NELL1: variants seen among roughly 807,000 people sequenced by gnomAD.
The protein encoded by NELL1 is neural EGFL like 1, also known as protein kinase C-binding protein NELL1.
NELL1 carries 76 observed loss-of-function variants against 107.4 expected under a neutral mutation model. The ratio of observed to expected loss-of-function variants is 0.71; its 90% CI spans 0.59 to 0.86. NELL1 has a LOEUF of 0.86. NELL1 is among the 40% of genes least tolerant of loss of function. The pLI, the probability that NELL1 is intolerant of heterozygous loss-of-function variation, is 0.00. For synonymous variants in NELL1, 353 were observed against 341.2 expected (o/e 1.03, Z -0.38); for missense variants, 1,024 against 1,005.5 (o/e 1.02, Z -0.25).
At chr11:21,104,638 A>G (rs189461768) in intron 12 of NELL1, among the ~76,000 whole-genome samples, 1 of 152,314 alleles carries the variant, frequency 6.6e-6, no homozygotes, top group East Asian at 1.9e-4. Flanking sequence ...TGAATTTTTA[A>G]TCTGAAAATA....
intron 5 of NELL1, among the ~76,000 whole-genome samples, chr11:20,892,630 G>A (rs189878934): frequency 3.6e-4 from 55 of 152,256 alleles, no homozygotes; most frequent in African/African-American, 1.2e-3. Flanking sequence ...AGACACATGC[G>A]GCCGGGCGCA....
chr11:21,248,917 C>T (rs1361847945), intron 14 of NELL1, among the ~76,000 whole-genome samples: 2 of 152,024 alleles, frequency 1.3e-5, no homozygotes, highest in East Asian at 3.9e-4. Flanking sequence ...GGGAGGGAAT[C>T]TGGAAGAACA....
chr11:20,957,160 A>T (rs531898671), intron 11 of NELL1, among the ~76,000 whole-genome samples: 25 of 152,340 alleles, frequency 1.6e-4, no homozygotes, highest in African/African-American at 5.3e-4. Flanking sequence ...TGGGGCTAGT[A>T]TGAGAAACAT....
intron 4 of NELL1, among the ~76,000 whole-genome samples, chr11:20,853,059 T>C (rs1416181277): frequency 1.3e-5 from 2 of 152,196 alleles, no homozygotes; most frequent in Non-Finnish European, 2.9e-5. Context: ...TCTCTACAGC[T>C]TTATAGTTTC....
intron 2 of NELL1, among the ~76,000 whole-genome samples, chr11:20,706,155 C>G (rs1036068878): frequency 6.6e-6 from 1 of 152,130 alleles, no homozygotes; most frequent in Non-Finnish European, 1.5e-5. Flanking sequence ...ACCCAGCCAT[C>G]CCATTACTGG....
At chr11:20,947,717 G>C (rs1435748551) in intron 11 of NELL1, among the ~76,000 whole-genome samples, 1 of 152,148 alleles carries the variant, frequency 6.6e-6, no homozygotes, top group Non-Finnish European at 1.5e-5. Context: ...TTCAATAAAT[G>C]ATAGTTCCTA....
intron 5 of NELL1, among the ~76,000 whole-genome samples, chr11:20,893,221 A>T (rs1010936285): frequency 6.6e-6 from 1 of 151,854 alleles, no homozygotes; most frequent in Non-Finnish European, 1.5e-5. Context: ...GAACACATGG[A>T]TACAGAGAGG....
chr11:21,117,934 A>G (rs1014160303), intron 13 of NELL1, among the ~76,000 whole-genome samples: 1 of 152,008 alleles, frequency 6.6e-6, no homozygotes, highest in Non-Finnish European at 1.5e-5. Context: ...GTCCTACCTC[A>G]TGCCTGGAAT....
rs555834026 is a variant in NELL1, at chr11:21,180,941, T to C, written c.1427-48391T>C. Among the ~76,000 whole-genome samples the C allele has an allele frequency of 6.6e-5, 10 of 151,892 alleles. No homozygotes were observed. In the South Asian group the frequency reaches 1.2e-3, roughly 19 times the overall value. ...GAATCCTGAATCCTATTTCTATTTT[T>C]CCCCATCTCACCATTGATATACTAG... is the stretch of plus-strand genomic sequence containing the variant. On this transcript the variant is annotated intron_variant, in intron 13 of 19. Transcript: ENST00000357134.
rs185122841 is a variant in NELL1, at chr11:21,276,057, C to A, written c.1549+46603C>A. Among the ~76,000 whole-genome samples the A allele has an allele frequency of 2.7e-3, 410 of 152,214 alleles. 6 individuals are homozygous for A. In the East Asian group the frequency reaches 0.035, roughly 13 times the overall value. ...TATTGGAAGTTCTGGCCAGGGCAAT[C>A]AGGCAGGAGAAGGAAATAAAGGGTA... On this transcript the variant is annotated intron_variant, in intron 14 of 19. Transcript: ENST00000357134.
chr11:21,412,214 TA>T (rs1053677264), intron 15 of NELL1, among the ~76,000 whole-genome samples: 4 of 152,134 alleles, frequency 2.6e-5, no homozygotes, highest in Non-Finnish European at 5.9e-5. Flanking sequence ...ATTATAGTTA[TA>T]AAAAATTCTG....
chr11:20,919,483 T>A, intron 7 of NELL1, 149 bp downstream of exon 7: 1 of 548,262 alleles, frequency 1.8e-6, no homozygotes, highest in Non-Finnish European at 3.3e-6. Flanking sequence ...AAAATAGGAC[T>A]ACCAATAGTA....
At chr11:20,975,777 TATAC>T (rs1260552954) in intron 12 of NELL1, among the ~76,000 whole-genome samples, 1 of 133,022 alleles carries the variant, frequency 7.5e-6, no homozygotes. Context: ...TATTATATGA[TATAC>T]ATATTATATA....
At chr11:20,724,184 T>C (rs2213107) in intron 2 of NELL1, among the ~76,000 whole-genome samples, 19,138 of 152,270 alleles carry the variant, frequency 0.13, 2,807 homozygotes, top group African/African-American at 0.36. Context: ...TCTGCAATGC[T>C]GTGGAGACAT....
intron 13 of NELL1, among the ~76,000 whole-genome samples, chr11:21,175,596 T>G (rs1056814670): frequency 6.6e-6 from 1 of 152,020 alleles, no homozygotes; most frequent in Admixed American, 6.5e-5. Context: ...TTTCTCATCT[T>G]TAAGGTACAA....
At chr11:21,569,684 A>G (rs1185243259) in intron 17 of NELL1, among the ~76,000 whole-genome samples, 1 of 151,818 alleles carries the variant, frequency 6.6e-6, no homozygotes, top group Non-Finnish European at 1.5e-5. Context: ...TACTGAAGGT[A>G]TGGATTCGGG....
chr11:21,274,310 AC>A (rs1174496022), intron 14 of NELL1, among the ~76,000 whole-genome samples: 4 of 152,142 alleles, frequency 2.6e-5, no homozygotes, highest in Admixed American at 2.6e-4. Flanking sequence ...CAAGTCCATT[AC>A]ATAATGGTAA....
chr11:21,237,021 A>C (rs554603701), intron 14 of NELL1, among the ~76,000 whole-genome samples: 4 of 152,108 alleles, frequency 2.6e-5, no homozygotes, highest in African/African-American at 9.7e-5. Flanking sequence ...CTTTACTGAT[A>C]TATTGGCCAA....
At chr11:21,494,956 T>C (rs73469175) in intron 15 of NELL1, among the ~76,000 whole-genome samples, 6,363 of 152,202 alleles carry the variant, frequency 0.042, 463 homozygotes, top group African/African-American at 0.15. Flanking sequence ...GGTTACAGTA[T>C]GGTTTTTCTC....
Sources: gnomAD v4.1 joint callset for allele counts (sites outside exome capture counted in the v4.1 genomes callset) on GRCh38, gnomAD v4.1.1 for gene constraint, MANE v1.5 for transcripts, NCBI Gene and HGNC (gene_info 2026-07-23, HGNC 2026-07-21) for gene names.